CCDC125: variants seen among roughly 807,000 people sequenced by gnomAD.
CCDC125 encodes coiled-coil domain containing 125.
CCDC125 carries 43 observed loss-of-function variants against 57.4 expected under a neutral mutation model. The observed-to-expected ratio is 0.75, with a 90% CI of 0.59 to 0.97. The LOEUF (loss-of-function observed/expected upper bound fraction) is 0.97, where lower values mean the gene tolerates loss of function less well. CCDC125 is among the 50% of genes least tolerant of loss of function. The pLI, the probability that CCDC125 is intolerant of heterozygous loss-of-function variation, is 0.00. For missense variants in CCDC125, 563 were observed against 595.7 expected, an observed-to-expected ratio of 0.95 and a Z score of 0.57; for synonymous variants, 187 against 195.2, an observed-to-expected ratio of 0.96 and a Z score of 0.35.
Position 69,290,280 on chromosome 5 carries a change from T to TTTA in CCDC125, c.1099+1905_1099+1907dup, listed in dbSNP as rs776480974. 1.1e-3 allele frequency among the ~76,000 whole-genome samples: 165 copies of TTTA among 150,848 alleles called. 2 individuals carry two copies. Among genetic ancestry groups the TTTA allele is most frequent in the African/African-American group, 2.0e-3 (83 of 41,174 alleles). On this transcript the variant is annotated intron_variant, in intron 10 of 11. Transcript: ENST00000396496. ...TGGCTATCTACTATAAAGCTTTCATTTTATTATTATTATTATTATTACTAT... is the reference window on the plus strand; with the variant it reads ...TGGCTATCTACTATAAAGCTTTCATTTTATTATTATTATTATTATTATTACTAT...
chr5:69,285,266 G>A, intron 11 of CCDC125, 71 bp downstream of exon 11: 1 of 1,516,802 alleles, frequency 6.6e-7, no homozygotes, highest in Non-Finnish European at 9.0e-7. Context: ...TGGGCTGCAT[G>A]CTCCCCACGG....
chr5:69,313,793 TCTG>T, intron 3 of CCDC125, 189 bp downstream of exon 3: 1 of 801,372 alleles, frequency 1.2e-6, no homozygotes, highest in Middle Eastern at 2.2e-4. Flanking sequence ...CTTCAACTTC[TCTG>T]GTGTTGAAGA....
At chr5:69,310,111 G>C (rs1464475299) in intron 4 of CCDC125, 2 of 152,174 alleles carry the variant, frequency 1.3e-5, no homozygotes, top group African/African-American at 4.8e-5. Context: ...ATGAGACTTT[G>C]GACTGTGGAT....
In CCDC125 at chr5:69,282,887, T is replaced by TAC; in HGVS notation, c.1376_1377dup (p.Lys460ValfsTer20). ...CCCAAAACAGAGAATTCTGAAGTCT[T>TAC]ACGCCAGGGGTTGTTGAAAGGGAAA... On this transcript the variant is annotated frameshift_variant, in exon 12 of 12. Coordinates refer to ENST00000396496, the MANE Select transcript of CCDC125 (RefSeq NM_176816.5). LOFTEE classifies it low-confidence loss of function (END_TRUNC). 6.2e-7 allele frequency: 1 copy of TAC among 1,614,162 alleles called. No individual in the cohort carries two copies. The highest frequency in any genetic ancestry group is 1.1e-5 in the South Asian group (1 of 91,080).
chr5:69,289,138 A>G (rs1448026972), intron 10 of CCDC125, among the ~76,000 whole-genome samples: 1 of 152,236 alleles, frequency 6.6e-6, no homozygotes, highest in Admixed American at 6.5e-5. Flanking sequence ...GGCATTCGTA[A>G]GATTAAGATT....
downstream of CCDC125, chr5:69,277,328 A>G: frequency 2.3e-6 from 1 of 433,878 alleles, no homozygotes; most frequent in South Asian, 7.7e-5. Flanking sequence ...TTTTCTGATT[A>G]GAGTGCAAAA....
intron 1 of CCDC125, among the ~76,000 whole-genome samples, chr5:69,325,549 G>A (rs1760619568): frequency 6.6e-6 from 1 of 151,440 alleles, no homozygotes; most frequent in South Asian, 2.1e-4. Context: ...TCTCGGGCTG[G>A]GCACAGTGGC....
At chr5:69,325,575 C>T (rs1760627266) in intron 1 of CCDC125, among the ~76,000 whole-genome samples, 2 of 150,952 alleles carry the variant, frequency 1.3e-5, no homozygotes, top group Admixed American at 6.6e-5. Flanking sequence ...TCTGTAATCC[C>T]AGCTCTTTGG....
chr5:69,298,932 G>T lies in CCDC125; in HGVS notation c.816+1080C>A, dbSNP rs574838670. Among the ~76,000 whole-genome samples the T allele has an allele frequency of 7.2e-5, 11 of 152,150 alleles. No individual in the cohort carries two copies. In the East Asian group the frequency reaches 1.9e-3, roughly 27 times the overall value. On this transcript the variant is annotated intron_variant, in intron 8 of 11. Coordinates refer to ENST00000396496, the MANE Select transcript of CCDC125 (RefSeq NM_176816.5). ...GACACCAGGCAAATTACCTAACCCC[G>T]CAATGCCTCTGTTACCTCATTTGTG... is the stretch of plus-strand genomic sequence containing the variant.
intron 7 of CCDC125, among the ~76,000 whole-genome samples, chr5:69,302,928 G>A (rs139623041): frequency 6.6e-6 from 1 of 152,242 alleles, no homozygotes; most frequent in East Asian, 1.9e-4. Context: ...GGGAGAAATT[G>A]CTTAATAGGT....
chr5:69,301,670 G>C (rs1756466371), intron 7 of CCDC125, among the ~76,000 whole-genome samples: 1 of 151,512 alleles, frequency 6.6e-6, no homozygotes, highest in Non-Finnish European at 1.5e-5. Context: ...GGGAGGAGGA[G>C]GTTGTAGTGA....
chr5:69,326,936 G>A (rs1163781106), intron 1 of CCDC125, among the ~76,000 whole-genome samples: 1 of 152,000 alleles, frequency 6.6e-6, no homozygotes, highest in East Asian at 1.9e-4. Context: ...CACACCTGTA[G>A]TCCCAAGCTA....
intron 9 of CCDC125, 22 bp from the exon 10 acceptor site, chr5:69,292,384 G>A: frequency 6.2e-7 from 1 of 1,603,692 alleles, no homozygotes; most frequent in Non-Finnish European, 8.5e-7. Context: ...AGACAGTTTG[G>A]GAGGTGTCAG....
At chr5:69,290,629 C>CTTTTTTTTTTTTTTTTT (rs373663120) in intron 10 of CCDC125, among the ~76,000 whole-genome samples, 1 of 117,778 alleles carries the variant, frequency 8.5e-6, no homozygotes, top group African/African-American at 3.3e-5. Context: ...TCTTTTTTTT[C>CTTTTTTTTTTTTTTTTT]TTTTTTTTTT....
chr5:69,302,494 G>A lies in CCDC125; in HGVS notation c.700+1353C>T, dbSNP rs186978909. ...TAATCCCAGCACTTTGGGAGGCTGAGGCGGGCGGATCACGAGGTCAGGAGA... is the reference window on the plus strand; with the variant it reads ...TAATCCCAGCACTTTGGGAGGCTGAAGCGGGCGGATCACGAGGTCAGGAGA... On this transcript the variant is annotated intron_variant, in intron 7 of 11. Transcript: ENST00000396496. Among the ~76,000 whole-genome samples, 541 of 148,268 alleles carry A rather than the reference G, an allele frequency of 3.6e-3. 4 individuals are homozygous for A. The highest frequency in any genetic ancestry group is 0.013 in the African/African-American group (525 of 40,266).
At chr5:69,322,061 G>A (rs1463996114) in intron 1 of CCDC125, among the ~76,000 whole-genome samples, 1 of 151,744 alleles carries the variant, frequency 6.6e-6, no homozygotes, top group Non-Finnish European at 1.5e-5. Context: ...AGCTGGTCTC[G>A]AACTCCTGAC....
intron 1 of CCDC125, among the ~76,000 whole-genome samples, chr5:69,322,944 G>C (rs1760263213): frequency 6.6e-6 from 1 of 151,952 alleles, no homozygotes; most frequent in Non-Finnish European, 1.5e-5. Flanking sequence ...GGGAGGTGGA[G>C]GCTGCAGTGA....
At chr5:69,297,640 T>C (rs997999188) in intron 8 of CCDC125, among the ~76,000 whole-genome samples, 4 of 151,218 alleles carry the variant, frequency 2.6e-5, no homozygotes, top group South Asian at 2.1e-4. Flanking sequence ...ATTACAGGCG[T>C]TAGCCACCGC....
intron 1 of CCDC125, among the ~76,000 whole-genome samples, chr5:69,322,570 A>AC (rs1554029366): frequency 6.9e-6 from 1 of 145,888 alleles, no homozygotes; most frequent in Non-Finnish European, 1.5e-5. Flanking sequence ...CAAAAAAAAA[A>AC]TTTTTTTTTT....
Sources: allele counts gnomAD v4.1 joint callset (sites outside exome capture counted in the v4.1 genomes callset), GRCh38; gene constraint gnomAD v4.1.1; transcripts MANE v1.5; gene names NCBI Gene and HGNC (gene_info 2026-07-23, HGNC 2026-07-21).